Variants in ANK1 observed in about 807,000 individuals in gnomAD.
ANK1 encodes ankyrin 1, also known as ankyrin-1.
In ANK1, 51 loss-of-function variants were observed where a neutral mutation model predicts 210.4. The ratio of observed to expected loss-of-function variants is 0.24; its 90% CI spans 0.19 to 0.31. The LOEUF (loss-of-function observed/expected upper bound fraction) is 0.31, where lower values mean the gene tolerates loss of function less well. ANK1 is among the 10% of genes least tolerant of loss of function. The pLI, the probability that ANK1 is intolerant of heterozygous loss-of-function variation, is 1.00. For missense variants in ANK1, 2,051 were observed against 2,504.4 expected (o/e 0.82, Z 3.86); for synonymous variants, 967 against 1,025.9 (o/e 0.94, Z 1.10).
intron 1 of ANK1, among the ~76,000 whole-genome samples, chr8:41,872,680 C>T (rs889648344): frequency 6.6e-6 from 1 of 152,196 alleles, no homozygotes; most frequent in Non-Finnish European, 1.5e-5. Context: ...TTACAATTCT[C>T]AGCCTGGATT....
In ANK1 at chr8:41,672,647, C is replaced by T. The variant is rs148991558; in HGVS notation, c.4803G>A (p.Lys1601=). ...GTTCCTCTGAGAGTGCCCCCTCCAA[C>T]TTCCACTCGTGACCTGTGGCATCAG... ...EDSDATGHEW[K]LEGALSEEPR... is the part of the protein sequence containing the mutation. The change falls in exon 38 of 43, where the codon AAG becomes AAA. Residue 1601 remains lysine, a synonymous_variant. Coordinates refer to ENST00000289734, the MANE Select transcript of ANK1 (RefSeq NM_000037.4). The T allele has an allele frequency of 3.1e-6, 5 of 1,614,128 alleles. No homozygotes were observed. The Admixed American group carries it at 6.7e-5, about 22-fold the overall frequency.
chr8:41,835,568 T>C (rs1163189296), intron 1 of ANK1, among the ~76,000 whole-genome samples: 2 of 151,546 alleles, frequency 1.3e-5, no homozygotes, highest in East Asian at 3.9e-4. Context: ...GCAGAAAACA[T>C]CCAGGTTTTG....
chr8:41,739,698 T>G (rs1352188579), intron 2 of ANK1, among the ~76,000 whole-genome samples: 1 of 152,044 alleles, frequency 6.6e-6, no homozygotes, highest in African/African-American at 2.4e-5. Context: ...GGGGTTGACC[T>G]GAGTTTGAGT....
chr8:41,814,729 T>TC (rs1803055399), intron 1 of ANK1, among the ~76,000 whole-genome samples: 1 of 151,744 alleles, frequency 6.6e-6, no homozygotes, highest in Non-Finnish European at 1.5e-5. Context: ...GATTCTTATT[T>TC]TTTTTTATTA....
chr8:41,683,855 G>T (rs1816875040), intron 37 of ANK1, among the ~76,000 whole-genome samples: 1 of 152,202 alleles, frequency 6.6e-6, no homozygotes, highest in African/African-American at 2.4e-5. Flanking sequence ...GGGGCTTGGG[G>T]GCAGAGGTCA....
chr8:41,657,563 G>C (rs986612566), intron 42 of ANK1, among the ~76,000 whole-genome samples: 2 of 152,196 alleles, frequency 1.3e-5, no homozygotes, highest in Non-Finnish European at 2.9e-5. Flanking sequence ...TGCTCCCCAC[G>C]GTGCCTGCCC....
intron 1 of ANK1, among the ~76,000 whole-genome samples, chr8:41,804,787 A>G (rs890109264): frequency 4.6e-5 from 7 of 152,186 alleles, no homozygotes; most frequent in African/African-American, 1.7e-4. Flanking sequence ...ACTGGCTTAG[A>G]GTGCTGCGAA....
At chr8:41,862,232 T>C (rs57472168) in intron 1 of ANK1, among the ~76,000 whole-genome samples, 26,822 of 152,180 alleles carry the variant, frequency 0.18, 3,056 homozygotes, top group East Asian at 0.67. Flanking sequence ...AGCTCTGGCA[T>C]TGCTAGCTGG....
intron 1 of ANK1, among the ~76,000 whole-genome samples, chr8:41,871,611 G>A (rs917069155): frequency 6.6e-6 from 1 of 152,180 alleles, no homozygotes; most frequent in Admixed American, 6.5e-5. Context: ...GGAGCCAGGA[G>A]AGGGGCCTGG....
At chr8:41,674,065 C>G (rs2150565087) in intron 37 of ANK1, among the ~76,000 whole-genome samples, 1 of 152,358 alleles carries the variant, frequency 6.6e-6, no homozygotes, top group Non-Finnish European at 1.5e-5. Context: ...TCACATGCAA[C>G]TGCCCCCGGG....
intron 1 of ANK1, among the ~76,000 whole-genome samples, chr8:41,856,807 A>G (rs1812244583): frequency 6.6e-6 from 1 of 151,692 alleles, no homozygotes; most frequent in South Asian, 2.1e-4. Flanking sequence ...GGTCCCAAGC[A>G]TTCTGCATAA....
Position 41,655,146 on chromosome 8 carries a change from G to A in ANK1, c.*644C>T. ...AGGCGAGTGGTGTGTGTGTGTGTGTGTGTGTGTCCTGAATGTCATGTAGAG... is the reference window on the plus strand; with the variant it reads ...AGGCGAGTGGTGTGTGTGTGTGTGTATGTGTGTCCTGAATGTCATGTAGAG... On this transcript the variant is annotated 3_prime_UTR_variant, in exon 43 of 43. Coordinates refer to ENST00000289734, the MANE Select transcript of ANK1 (RefSeq NM_000037.4). 1.3e-5 allele frequency: 2 copies of A among 154,506 alleles called. No individual in the cohort carries two copies. The highest frequency in any genetic ancestry group is 2.0e-4 in the South Asian group (1 of 4,970). The allele number at this position is 154,506 out of a possible 1,614,324, so 9.6% of individuals were successfully genotyped here.
chr8:41,722,560 C>G (rs984004435), intron 9 of ANK1, among the ~76,000 whole-genome samples: 12 of 152,282 alleles, frequency 7.9e-5, no homozygotes, highest in African/African-American at 2.9e-4. Context: ...GTCAGAGCCA[C>G]GTAACGGGCC....
intron 42 of ANK1, among the ~76,000 whole-genome samples, chr8:41,659,145 C>T (rs755559004): frequency 3.3e-5 from 5 of 152,232 alleles, no homozygotes; most frequent in Non-Finnish European, 7.3e-5. Flanking sequence ...CACTCTAACT[C>T]ATCCCTGAGC....
intron 3 of ANK1, among the ~76,000 whole-genome samples, chr8:41,728,878 G>A (rs1257756567): frequency 1.5e-4 from 23 of 152,246 alleles, no homozygotes; most frequent in Admixed American, 1.2e-3. Context: ...GCTTGTCAGC[G>A]AGCTGGCCTT....
intron 18 of ANK1, among the ~76,000 whole-genome samples, chr8:41,705,841 T>C (rs2304879): frequency 1.3e-5 from 2 of 152,206 alleles, no homozygotes; most frequent in Non-Finnish European, 2.9e-5. Context: ...TGTGTGGATC[T>C]GGGGAAACTT....
intron 1 of ANK1, among the ~76,000 whole-genome samples, chr8:41,851,432 C>T (rs939139953): frequency 1.3e-5 from 2 of 152,238 alleles, no homozygotes; most frequent in Non-Finnish European, 2.9e-5. Flanking sequence ...AAATGCCTAG[C>T]TCCGTGCTAG....
Position 41,696,495 on chromosome 8 carries a change from C to G in ANK1, c.2828G>C (p.Cys943Ser). ...GCAGGTGATGCGGGTGGGCGCTGCG[C>G]ACGTCCGTGGCGGGATCACCACTCG... ...GLRVVIPPRT[C>S]AAPTRITCRL... The change falls in exon 26 of 43, where the codon TGC becomes TCC. Residue 943 changes from cysteine to serine, a missense_variant. Cys to Ser is a moderately radical substitution (Grantham distance 112). Around this residue, in one of 6 missense-constraint regions of ANK1, gnomAD observed 1,413 missense variants for 1,707.4 expected, o/e 0.83. Coordinates refer to ENST00000289734, the MANE Select transcript of ANK1 (RefSeq NM_000037.4). 1 of 1,613,514 alleles carries G rather than the reference C, an allele frequency of 6.2e-7. No homozygotes were observed.
chr8:41,875,557 C>G (rs1239885714), intron 1 of ANK1, among the ~76,000 whole-genome samples: 1 of 152,194 alleles, frequency 6.6e-6, no homozygotes, highest in Non-Finnish European at 1.5e-5. Context: ...TACCAAGGCT[C>G]GGCAGACAGG....
Sources: allele counts gnomAD v4.1 joint callset (sites outside exome capture counted in the v4.1 genomes callset), GRCh38; gene constraint gnomAD v4.1.1; regional missense constraint gnomAD v4.1.1; transcripts MANE v1.5; gene names NCBI Gene and HGNC (gene_info 2026-07-23, HGNC 2026-07-21).